RTTN: variants seen among roughly 807,000 people sequenced by gnomAD.
RTTN encodes the protein rotatin.
In RTTN, 182 loss-of-function variants were observed where a neutral mutation model predicts 269.2. The ratio of observed to expected loss-of-function variants is 0.68; its 90% confidence interval spans 0.60 to 0.76. RTTN has a LOEUF of 0.76. Ranked by LOEUF, RTTN falls within the 30% of genes least tolerant of loss-of-function variation. RTTN has a pLI of 0.00. For missense variants in RTTN, 2,545 were observed against 2,608.6 expected (o/e 0.98, Z 0.53); for synonymous variants, 1,006 against 963.5 (o/e 1.04, Z -0.82).
intron 25 of RTTN, 127 bp from the exon 26 acceptor site, chr18:70,121,827 T>C: frequency 6.7e-6 from 6 of 896,376 alleles, no homozygotes; most frequent in Non-Finnish European, 9.5e-6. Flanking sequence ...CTGTTTTAAA[T>C]GCTTTGGAAA....
At chr18:70,151,479 G>A (rs1207170251) in intron 14 of RTTN, among the ~76,000 whole-genome samples, 5 of 151,836 alleles carry the variant, frequency 3.3e-5, no homozygotes, top group African/African-American at 9.7e-5. Context: ...TAAATAATGA[G>A]TTACATGAAT....
intron 8 of RTTN, among the ~76,000 whole-genome samples, chr18:70,191,151 G>A (rs1285776699): frequency 5.3e-5 from 8 of 150,868 alleles, no homozygotes; most frequent in African/African-American, 1.9e-4. Flanking sequence ...CTGAGATAGC[G>A]ACACTGCACT....
At chr18:70,070,587 T>A (rs190150061) in intron 34 of RTTN, among the ~76,000 whole-genome samples, 1 of 152,228 alleles carries the variant, frequency 6.6e-6, no homozygotes, top group Non-Finnish European at 1.5e-5. Flanking sequence ...TAATGTTTCA[T>A]GCCATTCCAT....
rs115966015 is a variant in RTTN, at chr18:70,165,505, T to C, written c.1929+557A>G. 9.7e-3 allele frequency among the ~76,000 whole-genome samples: 1,474 copies of C among 151,966 alleles called. 23 individuals are homozygous for C. The highest frequency in any genetic ancestry group is 0.034 in the African/African-American group (1,404 of 41,520). ...AATGTAAACACTTATTATAACCAAA[T>C]AGTACTTACAAGAGTGTTAAATACA... On this transcript the variant is annotated intron_variant, in intron 14 of 48. Coordinates refer to ENST00000640769, the MANE Select transcript of RTTN (RefSeq NM_173630.4).
intron 46 of RTTN, among the ~76,000 whole-genome samples, chr18:70,016,683 C>T (rs888828621): frequency 2.0e-5 from 3 of 152,110 alleles, no homozygotes; most frequent in African/African-American, 7.2e-5. Flanking sequence ...CTCCATCTGT[C>T]CTACATCTCA....
Position 70,059,960 on chromosome 18 carries a change from A to C in RTTN, c.4830T>G (p.Thr1610=), listed in dbSNP as rs768328309. Residue 1610 remains threonine (T), a synonymous_variant, in exon 36 of 49, where the codon ACT becomes ACG. Transcript: ENST00000640769. The stretch of plus-strand genomic sequence containing the variant: ...TGCACATTGCTGAAAGAAGAGATGG[A>C]GTAACAAAAACACACAGTTTGGGCA... The part of the protein sequence containing the change: ...APLPKLCVFV[T]PSLLSAMCSL... 2 of 1,614,098 alleles carry C rather than the reference A, an allele frequency of 1.2e-6. No individual in the cohort carries two copies. The highest frequency in any genetic ancestry group is 3.3e-5 in the Admixed American group (2 of 60,022).
chr18:70,162,885 TG>T (rs1162712764), intron 14 of RTTN, among the ~76,000 whole-genome samples: 2,905 of 16,522 alleles, frequency 0.18, 160 homozygotes, highest in African/African-American at 0.29. Context: ...AAATAAAAGT[TG>T]AAAAAAAAAA....
At chr18:70,172,024 A>C (rs536556389) in intron 11 of RTTN, among the ~76,000 whole-genome samples, 1 of 152,332 alleles carries the variant, frequency 6.6e-6, no homozygotes, top group African/African-American at 2.4e-5. Context: ...TCACTAGCTA[A>C]GAGTAACAGC....
Position 70,054,173 on chromosome 18 carries a change from T to C in RTTN, c.5143A>G (p.Asn1715Asp), listed in dbSNP as rs35374168. 6,704 of 1,613,620 alleles carry C rather than the reference T, an allele frequency of 4.2e-3. 31 individuals are homozygous for C. Among genetic ancestry groups the C allele is most frequent in the Non-Finnish European group, 5.4e-3 (6,382 of 1,179,562 alleles). ...CATATGGTGAGAATTCCAATGATAT[T>C]GGTGATAAGAGGTTTCACAAGCTCA... Reference protein sequence around the residue: ...QDELVKPLITNIIGILTICTK... With the variant: ...QDELVKPLITDIIGILTICTK... The change falls in exon 38 of 49, where the codon AAT becomes GAT. Residue 1715 changes from asparagine to aspartate, a missense_variant. Physicochemically the swap from Asn to Asp is conservative, Grantham distance 23. Transcript: ENST00000640769.
intron 35 of RTTN, among the ~76,000 whole-genome samples, chr18:70,063,963 T>G (rs1037196676): frequency 1.1e-4 from 12 of 105,274 alleles, no homozygotes; most frequent in Non-Finnish European, 2.2e-4. Flanking sequence ...TTCTTTTATA[T>G]GCTTTTTTTT....
At chr18:70,012,806 A>G (rs1340048259) in intron 46 of RTTN, among the ~76,000 whole-genome samples, 1 of 152,142 alleles carries the variant, frequency 6.6e-6, no homozygotes, top group Non-Finnish European at 1.5e-5. Flanking sequence ...GGCAGTGTCT[A>G]CTCACTGGTA....
At chr18:70,098,622 T>A (rs1273740859) in intron 28 of RTTN, among the ~76,000 whole-genome samples, 1 of 152,170 alleles carries the variant, frequency 6.6e-6, no homozygotes, top group Non-Finnish European at 1.5e-5. Flanking sequence ...TTTTTAATAT[T>A]TATAATTAAA....
chr18:70,038,185 C>G (rs138864655), intron 40 of RTTN, among the ~76,000 whole-genome samples: 1 of 152,296 alleles, frequency 6.6e-6, no homozygotes, highest in African/African-American at 2.4e-5. Context: ...TCTGGGGGAA[C>G]TTACTGCTCT....
chr18:70,045,380 G>C (rs924470885), intron 40 of RTTN, among the ~76,000 whole-genome samples: 36 of 152,242 alleles, frequency 2.4e-4, no homozygotes, highest in African/African-American at 8.7e-4. Flanking sequence ...TGTTTTTTGA[G>C]TATGATTTTA....
At chr18:70,114,647 A>G (rs1441092050) in intron 26 of RTTN, 48 bp from the exon 27 acceptor site, 2 of 1,555,418 alleles carry the variant, frequency 1.3e-6, no homozygotes, top group African/African-American at 1.4e-5. Context: ...TGAACTATAT[A>G]TTGTTTCCTA....
chr18:70,018,720 C>G (rs1222458581), intron 45 of RTTN, among the ~76,000 whole-genome samples: 2 of 151,944 alleles, frequency 1.3e-5, no homozygotes, highest in African/African-American at 2.4e-5. Flanking sequence ...CACCTACTGT[C>G]AGCCAAACTG....
At chr18:70,160,667 A>G (rs1218430545) in intron 14 of RTTN, among the ~76,000 whole-genome samples, 1 of 151,640 alleles carries the variant, frequency 6.6e-6, no homozygotes, top group Non-Finnish European at 1.5e-5. Flanking sequence ...GAAAAAAAAA[A>G]AAAAAAAAGA....
chr18:70,149,057 A>G lies in RTTN; in HGVS notation c.2173-20T>C. ...ATAGCCCTAATAGATTTGTTTTTAA[A>G]GAGAAATTATTGTCTAATTGTATAC... On this transcript the variant is annotated intron_variant, in intron 16 of 48. Coordinates refer to ENST00000640769, the MANE Select transcript of RTTN (RefSeq NM_173630.4). 1 of 1,605,592 alleles carries G rather than the reference A, an allele frequency of 6.2e-7. No individual in the cohort carries two copies. The highest frequency in any genetic ancestry group is 8.5e-7 in the Non-Finnish European group (1 of 1,175,324).
intron 45 of RTTN, chr18:70,019,529 G>A (rs1163231248): frequency 6.6e-6 from 1 of 152,160 alleles, no homozygotes; most frequent in Non-Finnish European, 1.5e-5. Context: ...ACATATACAT[G>A]AAGAAAATAT....
Sources: gnomAD v4.1 joint callset for allele counts (sites outside exome capture counted in the v4.1 genomes callset) on GRCh38, gnomAD v4.1.1 for gene constraint, MANE v1.5 for transcripts, NCBI Gene and HGNC (gene_info 2026-07-23, HGNC 2026-07-21) for gene names.